CDK5RAP2: variants seen among roughly 807,000 people sequenced by gnomAD.
CDK5RAP2 encodes CDK5 regulatory subunit associated protein 2, also known as CDK5 regulatory subunit-associated protein 2.
A neutral mutation model predicts 232.9 loss-of-function variants in CDK5RAP2; 147 were observed. The observed-to-expected ratio is 0.63, with a 90% CI of 0.55 to 0.72. The LOEUF (loss-of-function observed/expected upper bound fraction) is 0.72, where lower values mean the gene tolerates loss of function less well. CDK5RAP2 is among the 30% of genes least tolerant of loss of function. The pLI is 0.00. For missense variants in CDK5RAP2, 2,195 were observed against 2,231.5 expected (o/e 0.98, Z 0.33); for synonymous variants, 833 against 833.7 (o/e 1.00, Z 0.01).
chr9:120,417,344 GC>G (rs548258398), intron 27 of CDK5RAP2, among the ~76,000 whole-genome samples: 50 of 149,668 alleles, frequency 3.3e-4, no homozygotes, highest in African/African-American at 1.2e-3. Flanking sequence ...AACTTCTGGC[GC>G]CCACGGCACT....
intron 18 of CDK5RAP2, 67 bp from the exon 19 acceptor site, chr9:120,460,734 T>C: frequency 6.2e-7 from 1 of 1,605,402 alleles, no homozygotes; most frequent in Non-Finnish European, 8.5e-7. Flanking sequence ...TATGTATGAA[T>C]AAGTCAGTGA....
chr9:120,422,851 ACT>A (rs1227857638), intron 25 of CDK5RAP2, 110 bp from the exon 26 acceptor site: 2 of 773,196 alleles, frequency 2.6e-6, no homozygotes, highest in African/African-American at 1.7e-5. Flanking sequence ...TTGTTTAAAC[ACT>A]CTGTAACAAT....
intron 16 of CDK5RAP2, among the ~76,000 whole-genome samples, chr9:120,470,804 T>TG (rs1268140918): frequency 1.1e-5 from 1 of 89,614 alleles, no homozygotes; most frequent in Non-Finnish European, 2.2e-5. Flanking sequence ...AGGGGAGAAG[T>TG]GGGGGGCGGG....
chr9:120,412,779 G>A (rs564826069), intron 28 of CDK5RAP2, among the ~76,000 whole-genome samples: 4 of 152,256 alleles, frequency 2.6e-5, no homozygotes, highest in Admixed American at 6.5e-5. Flanking sequence ...GGGAAGGTAC[G>A]GCATCAGTTC....
chr9:120,402,654 C>T, intron 34 of CDK5RAP2, 152 bp downstream of exon 34: 1 of 810,090 alleles, frequency 1.2e-6, no homozygotes, highest in Non-Finnish European at 2.0e-6. Context: ...GTTCCCCACA[C>T]TGGACCTGAC....
rs758658772 is a variant in CDK5RAP2 at position 120,409,254 on chromosome 9, G to A, written c.4477C>T (p.His1493Tyr). 2 of 1,613,748 alleles carry A rather than the reference G, an allele frequency of 1.2e-6. No homozygotes were observed. Among genetic ancestry groups the A allele is most frequent in the South Asian group, 1.1e-5 (1 of 91,036 alleles). Reference protein sequence around the residue: ...SLSRKTVSLEHLQREYASVKE... With the variant: ...SLSRKTVSLEYLQREYASVKE... ...ACGCTGGCATACTCCCGCTGAAGGT[G>A]CTCCAGGCTCACGGTCTTCCTGGAG... is the stretch of plus-strand genomic sequence containing the variant. The change falls in exon 30 of 38, where the codon CAC (histidine) becomes TAC (tyrosine). Residue 1493 changes from histidine (H) to tyrosine (Y), a missense_variant. By Grantham distance (83) the His-to-Tyr change is moderately conservative. Transcript: ENST00000349780.
chr9:120,491,626 A>C (rs2038912780), intron 12 of CDK5RAP2, 149 bp from the exon 13 acceptor site: 2 of 590,934 alleles, frequency 3.4e-6, no homozygotes, highest in Admixed American at 6.5e-5. Flanking sequence ...CTTCTCACTT[A>C]AAATCTTACA....
At chr9:120,424,409 G>A (rs2034755716) in intron 25 of CDK5RAP2, among the ~76,000 whole-genome samples, 1 of 152,196 alleles carries the variant, frequency 6.6e-6, no homozygotes. Flanking sequence ...CTTCAAGGGG[G>A]AAATCCAAAC....
In CDK5RAP2 at chr9:120,411,312, G is replaced by C. The variant is rs763006589; in HGVS notation, c.4414+46C>G. ...ATGCCTGCATTCTTTCCATGACACAGAAGGCTTTGGCGTTCCAGACTTCCA... is the reference window on the plus strand; with the variant it reads ...ATGCCTGCATTCTTTCCATGACACACAAGGCTTTGGCGTTCCAGACTTCCA... On this transcript the variant is annotated intron_variant, in intron 29 of 37. Transcript: ENST00000349780. The C allele has an allele frequency of 4.4e-6, 5 of 1,146,420 alleles. No individual in the cohort carries two copies. In the East Asian group the frequency reaches 1.2e-4, roughly 27 times the overall value. 71.0% of individuals were successfully genotyped at this position (1,146,420 alleles called of 1,614,324 possible).
chr9:120,569,763 C>T (rs1224361046), intron 2 of CDK5RAP2, among the ~76,000 whole-genome samples: 2 of 152,114 alleles, frequency 1.3e-5, no homozygotes, highest in Non-Finnish European at 2.9e-5. Flanking sequence ...TTTCTACAGG[C>T]TCCCTCTGGC....
chr9:120,400,881 G>A lies in CDK5RAP2; in HGVS notation c.5312C>T (p.Pro1771Leu). Residue 1771 changes from proline (P) to leucine (L), a missense_variant, in exon 35 of 38, where the codon CCA (proline) becomes CTA (leucine). Coordinates refer to ENST00000349780, the MANE Select transcript of CDK5RAP2 (RefSeq NM_018249.6). The part of the protein sequence containing the change: ...STSQELGTKG[P>L]HPAPLSKFVS... ...AAACTTGCTCAGTGGTGCTGGGTGT[G>A]GACCCTACACGGGGGATATGAAGGC... The A allele has an allele frequency of 6.2e-7, 1 of 1,614,094 alleles. No individual in the cohort carries two copies. Among genetic ancestry groups the A allele is most frequent in the Non-Finnish European group, 8.5e-7 (1 of 1,180,016 alleles).
intron 18 of CDK5RAP2, among the ~76,000 whole-genome samples, chr9:120,466,495 G>A (rs1316478840): frequency 6.6e-6 from 1 of 152,030 alleles, no homozygotes; most frequent in Non-Finnish European, 1.5e-5. Flanking sequence ...ATCTTAGGGT[G>A]GGAAAAGGAA....
intron 3 of CDK5RAP2, among the ~76,000 whole-genome samples, chr9:120,555,911 C>T (rs1027717277): frequency 4.6e-5 from 7 of 152,268 alleles, no homozygotes; most frequent in Middle Eastern, 3.4e-3. Context: ...AGACATTATG[C>T]TGAGGCAAAG....
At chr9:120,518,174 T>TGTGC (rs1251298920) in intron 12 of CDK5RAP2, among the ~76,000 whole-genome samples, 1 of 54,104 alleles carries the variant, frequency 1.8e-5, no homozygotes, top group Non-Finnish European at 3.6e-5. Flanking sequence ...TCTGTGTGTG[T>TGTGC]GTGTGTGTGT....
At chr9:120,511,735 C>CTTTTTTTT (rs747030569) in intron 12 of CDK5RAP2, among the ~76,000 whole-genome samples, 2 of 110,702 alleles carry the variant, frequency 1.8e-5, no homozygotes, top group African/African-American at 3.5e-5. Context: ...TCACAACATG[C>CTTTTTTTT]TTTTTTTTTT....
At chr9:120,427,819 C>T (rs2035013332) in intron 25 of CDK5RAP2, among the ~76,000 whole-genome samples, 1 of 152,160 alleles carries the variant, frequency 6.6e-6, no homozygotes, top group African/African-American at 2.4e-5. Flanking sequence ...TTCAGCACCA[C>T]ACCATACCTA....
At chr9:120,522,905 C>A (rs1414790217) in intron 11 of CDK5RAP2, among the ~76,000 whole-genome samples, 1 of 152,204 alleles carries the variant, frequency 6.6e-6, no homozygotes, top group Non-Finnish European at 1.5e-5. Context: ...ACTATGTATA[C>A]CTCACAGTGA....
At chr9:120,560,579 C>T (rs1348798214) in intron 3 of CDK5RAP2, among the ~76,000 whole-genome samples, 3 of 152,150 alleles carry the variant, frequency 2.0e-5, no homozygotes, top group African/African-American at 4.8e-5. Context: ...ATTTTTACAT[C>T]TAGGGAAGTA....
In CDK5RAP2 at chr9:120,403,363, C is replaced by T; in HGVS notation, c.5042-292G>A. ...CAAGGATGACTCAAGCTGGTGCCTG[C>T]ATTCCAGTAGCCCACAGTCTGATCA... On this transcript the variant is annotated intron_variant, in intron 33 of 37. Coordinates refer to ENST00000349780, the MANE Select transcript of CDK5RAP2 (RefSeq NM_018249.6). The surrounding 1 kb of genome is among the most constrained non-coding windows in gnomAD (Gnocchi z 4.2). 2.3e-6 allele frequency: 1 copy of T among 442,166 alleles called. No homozygotes were observed. The highest frequency in any genetic ancestry group is 4.2e-6 in the Non-Finnish European group (1 of 238,798). 27.4% of individuals were successfully genotyped at this position (442,166 alleles called of 1,614,324 possible). A position where few individuals can be genotyped will look rare whatever the true frequency, so the allele number is the denominator to read the frequency against.
Sources: allele counts gnomAD v4.1 joint callset (sites outside exome capture counted in the v4.1 genomes callset), GRCh38; gene constraint gnomAD v4.1.1; non-coding constraint Gnocchi (gnomAD v3.1); transcripts MANE v1.5; gene names NCBI Gene and HGNC (gene_info 2026-07-23, HGNC 2026-07-21).